Variants in NRG1 observed in about 807,000 individuals in gnomAD.
NRG1 encodes neuregulin 1.
Under a neutral mutation model 63.8 loss-of-function variants are expected in NRG1, and 18 were observed. The ratio of observed to expected loss-of-function variants is 0.28; its 90% confidence interval spans 0.19 to 0.42. The LOEUF is 0.42. Among genes scored for constraint, NRG1 ranks in the 10% least tolerant of loss-of-function variants. NRG1 has a pLI of 1.00. For missense variants in NRG1, 762 were observed against 814.7 expected (o/e 0.94, Z 0.79); for synonymous variants, 302 against 301.3 (o/e 1.00, Z -0.02).
intron 1 of NRG1, among the ~76,000 whole-genome samples, chr8:31,650,798 T>C (rs1038480006): frequency 6.6e-6 from 1 of 152,228 alleles, no homozygotes; most frequent in African/African-American, 2.4e-5. Flanking sequence ...AGCAGGGTCT[T>C]CAGCTTACTT....
At chr8:32,503,990 T>A (rs576362944) in intron 1 of NRG1, among the ~76,000 whole-genome samples, 4 of 152,314 alleles carry the variant, frequency 2.6e-5, no homozygotes, top group Non-Finnish European at 5.9e-5. Flanking sequence ...AGGGTCCGCA[T>A]GCACAGTGTG....
intron 1 of NRG1, among the ~76,000 whole-genome samples, chr8:32,326,611 G>A (rs903500082): frequency 6.6e-6 from 1 of 152,194 alleles, no homozygotes; most frequent in East Asian, 1.9e-4. Context: ...CTACAGGCAT[G>A]AGCCACCACG....
chr8:32,262,338 A>T (rs1252299168), intron 1 of NRG1, among the ~76,000 whole-genome samples: 21 of 152,178 alleles, frequency 1.4e-4, no homozygotes, highest in Non-Finnish European at 2.4e-4. Context: ...TATAGTGGGT[A>T]CAGAAGAAGT....
At chr8:32,507,709 C>T (rs1250163795) in intron 1 of NRG1, among the ~76,000 whole-genome samples, 1 of 152,064 alleles carries the variant, frequency 6.6e-6, no homozygotes, top group African/African-American at 2.4e-5. Flanking sequence ...AATCTTTGCC[C>T]AAATGAGTGA....
At chr8:32,539,399 G>T (rs1222519037) in intron 1 of NRG1, among the ~76,000 whole-genome samples, 3 of 152,192 alleles carry the variant, frequency 2.0e-5, no homozygotes, top group Non-Finnish European at 4.4e-5. Context: ...CAGGGAAGAA[G>T]CAAGACAGGC....
At chr8:32,312,330 ATTTTTTTT>A (rs4035492) in intron 1 of NRG1, among the ~76,000 whole-genome samples, 1 of 89,196 alleles carries the variant, frequency 1.1e-5, no homozygotes. Context: ...TGCCCAGCTA[ATTTTTTTT>A]TTTTTTTTTT....
chr8:31,742,929 C>T (rs1278793600), intron 1 of NRG1, among the ~76,000 whole-genome samples: 3 of 151,956 alleles, frequency 2.0e-5, no homozygotes, highest in Non-Finnish European at 2.9e-5. Context: ...CAAGTGTTGC[C>T]TAGCTGTGTG....
intron 1 of NRG1, among the ~76,000 whole-genome samples, chr8:32,206,153 A>G (rs1487370341): frequency 1.3e-5 from 2 of 151,976 alleles, no homozygotes; most frequent in African/African-American, 4.8e-5. Flanking sequence ...TGAAACTAGA[A>G]CCAGTTTTAT....
intron 1 of NRG1, among the ~76,000 whole-genome samples, chr8:32,552,365 A>G (rs1563629209): frequency 6.6e-6 from 1 of 152,036 alleles, no homozygotes; most frequent in East Asian, 1.9e-4. Flanking sequence ...AAAATTCACT[A>G]TCATGCCTAG....
intron 1 of NRG1, among the ~76,000 whole-genome samples, chr8:31,854,541 G>A (rs1476817621): frequency 6.6e-6 from 1 of 151,422 alleles, no homozygotes; most frequent in African/African-American, 2.4e-5. Context: ...TATCAATTTT[G>A]TTGATCCTTT....
intron 1 of NRG1, among the ~76,000 whole-genome samples, chr8:32,196,115 A>ATCAGTGTG (rs1563896888): frequency 1.2e-5 from 1 of 83,700 alleles, no homozygotes. Flanking sequence ...AGTAAAAACA[A>ATCAGTGTG]TGAGTGTGTG....
At chr8:32,630,007 A>C (rs867510935) in intron 5 of NRG1, among the ~76,000 whole-genome samples, 2 of 152,314 alleles carry the variant, frequency 1.3e-5, no homozygotes, top group African/African-American at 4.8e-5. Context: ...CATTATGTAG[A>C]TGTAGAGACT....
upstream of NRG1, among the ~76,000 whole-genome samples, chr8:32,543,911 A>C (rs1832805325): frequency 6.6e-6 from 1 of 152,136 alleles, no homozygotes; most frequent in Non-Finnish European, 1.5e-5. Context: ...TGCTTTGCCT[A>C]ATAAACTCAA....
intron 1 of NRG1, among the ~76,000 whole-genome samples, chr8:32,273,023 A>C (rs952486295): frequency 6.6e-6 from 1 of 152,208 alleles, no homozygotes; most frequent in African/African-American, 2.4e-5. Flanking sequence ...GTCCAGAATT[A>C]GTTGGCTGAA....
intron 1 of NRG1, among the ~76,000 whole-genome samples, chr8:32,197,977 C>T (rs886146210): frequency 3.9e-5 from 6 of 152,072 alleles, no homozygotes; most frequent in South Asian, 2.1e-4. Flanking sequence ...CGCATGCACG[C>T]GCACACACAC....
At chr8:32,194,244 C>T (rs987920610) in intron 1 of NRG1, among the ~76,000 whole-genome samples, 1 of 152,176 alleles carries the variant, frequency 6.6e-6, no homozygotes, top group Admixed American at 6.5e-5. Context: ...ACCCATCCAC[C>T]TAGGTGTCCT....
intron 1 of NRG1, among the ~76,000 whole-genome samples, chr8:31,971,002 C>T (rs1266105180): frequency 6.6e-6 from 1 of 151,648 alleles, no homozygotes; most frequent in Non-Finnish European, 1.5e-5. Context: ...CGAGATGGCA[C>T]CAATGCACTC....
At chr8:32,548,764 G>T in exon 1 of NRG1, 1 of 1,590,816 alleles carries the variant, frequency 6.3e-7, no homozygotes, top group Non-Finnish European at 8.5e-7. Flanking sequence ...AAAGGGAAGG[G>T]CAAGAAGAAG....
chr8:31,896,830 G>C (rs1382624459), intron 1 of NRG1, among the ~76,000 whole-genome samples: 1 of 152,150 alleles, frequency 6.6e-6, no homozygotes, highest in African/African-American at 2.4e-5. Context: ...TCAAGCTCTT[G>C]TTTGTGTAAC....
Sources: allele counts gnomAD v4.1 joint callset (sites outside exome capture counted in the v4.1 genomes callset), GRCh38; gene constraint gnomAD v4.1.1; transcripts MANE v1.5; gene names NCBI Gene and HGNC (gene_info 2026-07-23, HGNC 2026-07-21).